The following DOCK7 variants were observed in gnomAD, a reference collection of about 807,000 sequenced individuals.
DOCK7 encodes the protein dedicator of cytokinesis protein 7.
Under a neutral mutation model 271.0 loss-of-function variants are expected in DOCK7, and 138 were observed. The ratio of observed to expected loss-of-function variants is 0.51; its 90% confidence interval spans 0.44 to 0.59. The LOEUF is 0.59. Among genes scored for constraint, DOCK7 ranks in the 20% least tolerant of loss-of-function variants. The probability of loss-of-function intolerance (pLI) is 0.00; values close to 1 mark genes in which losing one functional copy is unlikely to be tolerated. For synonymous variants in DOCK7, 823 were observed against 876.1 expected (o/e 0.94, Z 1.07); for missense variants, 2,066 against 2,592.4 (o/e 0.80, Z 4.41).
intron 4 of DOCK7, among the ~76,000 whole-genome samples, chr1:62,649,765 G>A (rs781085122): frequency 2.6e-4 from 39 of 151,908 alleles, no homozygotes; most frequent in Non-Finnish European, 4.7e-4. Flanking sequence ...TCTCATTTAC[G>A]GTTCCAGCCA....
intron 14 of DOCK7, among the ~76,000 whole-genome samples, chr1:62,594,677 A>G (rs1648961840): frequency 6.6e-6 from 1 of 152,214 alleles, no homozygotes; most frequent in Admixed American, 6.5e-5. Flanking sequence ...AGAAATCCCT[A>G]TATGTTGATT....
chr1:62,626,752 G>A (rs1654005330), intron 11 of DOCK7, among the ~76,000 whole-genome samples: 1 of 152,084 alleles, frequency 6.6e-6, no homozygotes, highest in South Asian at 2.1e-4. Flanking sequence ...GATCGAGTTA[G>A]TAATGAAAAA....
Position 62,508,210 on chromosome 1 carries a change from T to A in DOCK7, c.4380-152A>T, listed in dbSNP as rs1028438199. 140 of 688,342 alleles carry A rather than the reference T, an allele frequency of 2.0e-4. 1 individual carries two copies. The highest frequency in any genetic ancestry group is 3.9e-5 in the Non-Finnish European group (17 of 437,724). 42.6% of individuals were successfully genotyped at this position (688,342 alleles called of 1,614,324 possible). A position where few individuals can be genotyped will look rare whatever the true frequency, so the allele number is the denominator to read the frequency against. On this transcript the variant is annotated intron_variant, in intron 34 of 49. Coordinates refer to ENST00000635253, the MANE Select transcript of DOCK7 (RefSeq NM_001367561.1). The stretch of plus-strand genomic sequence containing the variant: ...AGAGAATAAGAAAAAAGGCAGTAGT[T>A]TACACATTTATGCAGCTTTTTTGTT...
At position 62,525,927 on chromosome 1, in the gene DOCK7, C is replaced by A. The variant is rs532011658; in HGVS notation, c.3936+2224G>T. 5.3e-5 allele frequency among the ~76,000 whole-genome samples: 8 copies of A among 152,258 alleles called. No homozygotes were observed. The South Asian group carries it at 8.3e-4, about 16-fold the overall frequency. On this transcript the variant is annotated intron_variant, in intron 31 of 49. Coordinates refer to ENST00000635253, the MANE Select transcript of DOCK7 (RefSeq NM_001367561.1). ...AATACATAAAGAACTCTTAAGAAAT[C>A]TTAAAATAGCAACCTTTTTTTTCTT... is the stretch of plus-strand genomic sequence containing the variant.
At chr1:62,534,031 C>T (rs545061200) in intron 29 of DOCK7, among the ~76,000 whole-genome samples, 1 of 151,408 alleles carries the variant, frequency 6.6e-6, no homozygotes, top group South Asian at 2.1e-4. Flanking sequence ...TGAAGTCTTG[C>T]TCTATCACCC....
At chr1:62,655,001 G>T (rs1363891492) in intron 2 of DOCK7, among the ~76,000 whole-genome samples, 3 of 152,162 alleles carry the variant, frequency 2.0e-5, no homozygotes, top group Admixed American at 2.0e-4. Context: ...TTAGTCCAGT[G>T]ATACTGATTT....
intron 14 of DOCK7, chr1:62,607,889 C>A (rs1203225749): frequency 6.6e-6 from 1 of 152,114 alleles, no homozygotes; most frequent in South Asian, 2.1e-4. Context: ...CAAGATCAGC[C>A]TGTGCAACAC....
In DOCK7 at chr1:62,542,667, A is replaced by T; in HGVS notation, c.2986T>A (p.Cys996Ser). Residue 996 changes from cysteine to serine, a missense_variant, in exon 25 of 50, where the codon TGC becomes AGC. Transcript: ENST00000635253. ...GCTGATTCCCGAACGCTGCCACTGC[A>T]AACAACCCACTGCAAAGCCAGCTCC... ...HEELALQWVVCSGSVRESALQ... is the reference protein window; with the variant it reads ...HEELALQWVVSSGSVRESALQ... 1 of 1,613,218 alleles carries T rather than the reference A, an allele frequency of 6.2e-7. No individual in the cohort carries two copies. Among genetic ancestry groups the T allele is most frequent in the Non-Finnish European group, 8.5e-7 (1 of 1,179,484 alleles).
Position 62,529,269 on chromosome 1 carries a change from C to A in DOCK7, c.3781+8G>T. 1 of 1,586,766 alleles carries A rather than the reference C, an allele frequency of 6.3e-7. No homozygotes were observed. Among genetic ancestry groups the A allele is most frequent in the Non-Finnish European group, 8.6e-7 (1 of 1,169,262 alleles). ...GCCTTTAATATTTGCCTTAATTATACTAGGTACCTGTAAAATCATACAGCT... is the reference window on the plus strand; with the variant it reads ...GCCTTTAATATTTGCCTTAATTATAATAGGTACCTGTAAAATCATACAGCT... On this transcript the variant is annotated splice_region_variant and intron_variant, in intron 30 of 49. Transcript: ENST00000635253.
chr1:62,673,292 T>C (rs1483988447), intron 1 of DOCK7, among the ~76,000 whole-genome samples: 1 of 152,128 alleles, frequency 6.6e-6, no homozygotes, highest in African/African-American at 2.4e-5. Context: ...ATATATCCCA[T>C]CTGACACTAT....
intron 1 of DOCK7, among the ~76,000 whole-genome samples, chr1:62,681,002 A>G (rs549542747): frequency 7.4e-4 from 112 of 152,346 alleles, no homozygotes; most frequent in Middle Eastern, 6.8e-3. Context: ...ATAGAATTAG[A>G]AATACCATTT....
At position 62,517,119 on chromosome 1, in the gene DOCK7, C is replaced by A. The variant is rs568098407; in HGVS notation, c.3937-3221G>T. ...TCTATGTATTTGATTCTCTAAATAT[C>A]CTGTGCTATTTTTTACTTCCTTAAC... On this transcript the variant is annotated intron_variant, in intron 31 of 49. Coordinates refer to ENST00000635253, the MANE Select transcript of DOCK7 (RefSeq NM_001367561.1). 2.0e-5 allele frequency among the ~76,000 whole-genome samples: 3 copies of A among 152,050 alleles called. No homozygotes were observed. The South Asian group carries it at 6.2e-4, about 32-fold the overall frequency.
chr1:62,657,913 T>A (rs996492851), intron 2 of DOCK7, among the ~76,000 whole-genome samples: 2 of 151,608 alleles, frequency 1.3e-5, no homozygotes, highest in African/African-American at 2.4e-5. Flanking sequence ...ATAAAAAACA[T>A]CTTCAGGGAC....
intron 23 of DOCK7, 137 bp downstream of exon 23, chr1:62,544,810 T>C (rs1413356861): frequency 1.7e-6 from 1 of 603,450 alleles, no homozygotes; most frequent in Non-Finnish European, 2.8e-6. Context: ...AGTTGGAAAA[T>C]GTGCTAAGTA....
intron 31 of DOCK7, among the ~76,000 whole-genome samples, chr1:62,526,674 C>T (rs556549405): frequency 2.0e-5 from 3 of 152,222 alleles, no homozygotes; most frequent in South Asian, 4.2e-4. Context: ...AATGATACAG[C>T]TGTTCATCAA....
At position 62,648,270 on chromosome 1, in the gene DOCK7, T is replaced by C. The variant is rs771008430; in HGVS notation, c.568A>G (p.Ser190Gly). Residue 190 changes from serine (S) to glycine (G), a missense_variant, in exon 6 of 50, where the codon AGC (serine) becomes GGC (glycine). Physicochemically the swap from Ser to Gly is moderately conservative, Grantham distance 56 (BLOSUM62 0). Coordinates refer to ENST00000635253, the MANE Select transcript of DOCK7 (RefSeq NM_001367561.1). The stretch of plus-strand genomic sequence containing the variant: ...AAGTCAAAGATACTACAGGCCCAGC[T>C]ACCCCTTGGGGTATCATCTATTGAC... ...SMSIDDTPRG[S>G]WACSIFDLKN... 4.5e-5 allele frequency: 72 copies of C among 1,613,548 alleles called. No individual in the cohort carries two copies. The highest frequency in any genetic ancestry group is 1.2e-4 in the Admixed American group (7 of 59,998).
chr1:62,597,083 C>CTTCA (rs1464103537), intron 14 of DOCK7, among the ~76,000 whole-genome samples: 1 of 152,102 alleles, frequency 6.6e-6, no homozygotes, highest in Admixed American at 6.6e-5. Flanking sequence ...TGGAGAAAGG[C>CTTCA]TTCAGAGAGA....
intron 48 of DOCK7, 145 bp from the exon 49 acceptor site, chr1:62,457,850 CAT>C: frequency 1.4e-6 from 1 of 727,344 alleles, no homozygotes; most frequent in Non-Finnish European, 2.2e-6. Flanking sequence ...ATCACACACA[CAT>C]ACACACAAAA....
At chr1:62,599,721 C>T (rs1050523095) in intron 14 of DOCK7, among the ~76,000 whole-genome samples, 2 of 151,878 alleles carry the variant, frequency 1.3e-5, no homozygotes, top group African/African-American at 4.8e-5. Flanking sequence ...GAAGCGTGTG[C>T]TATGATTATT....
Sources: allele counts gnomAD v4.1 joint callset (sites outside exome capture counted in the v4.1 genomes callset), GRCh38; gene constraint gnomAD v4.1.1; transcripts MANE v1.5; gene names NCBI Gene and HGNC (gene_info 2026-07-23, HGNC 2026-07-21).